SOX6: variants seen among roughly 807,000 people sequenced by gnomAD.
SOX6 encodes SRY-box transcription factor 6, also known as transcription factor SOX-6.
Under a neutral mutation model 97.8 loss-of-function variants are expected in SOX6, and 11 were observed. That is an observed-to-expected ratio of 0.11 (90% CI 0.07 to 0.19). SOX6 has a LOEUF of 0.19. Among genes scored for constraint, SOX6 ranks in the 10% least tolerant of loss-of-function variants. The pLI is 1.00. For synonymous variants in SOX6, 360 were observed against 371.4 expected (o/e 0.97, Z 0.35); for missense variants, 810 against 1,039.5 (o/e 0.78, Z 3.04).
chr11:16,613,914 G>C lies in SOX6; in HGVS notation n.430-1654C>G, dbSNP rs373258936. Reference sequence around the variant, plus strand: ...GGCCCAGCAGCCTTGGCGACCTCCCGGGACCGCCTGAAAGAGAAGCAAAGG... The same window carrying C: ...GGCCCAGCAGCCTTGGCGACCTCCCCGGACCGCCTGAAAGAGAAGCAAAGG... On this transcript the variant is annotated intron_variant and non_coding_transcript_variant, in intron 3 of 5. Transcript: ENST00000524520. The surrounding 1 kb of genome is among the most constrained non-coding windows in gnomAD (Gnocchi z 4.6). Among the ~76,000 whole-genome samples the C allele has an allele frequency of 1.3e-5, 2 of 152,106 alleles. No homozygotes were observed. Among genetic ancestry groups the C allele is most frequent in the Non-Finnish European group, 2.9e-5 (2 of 68,018 alleles).
intron 2 of SOX6, among the ~76,000 whole-genome samples, chr11:16,327,526 G>A (rs189917640): frequency 3.3e-5 from 5 of 152,126 alleles, no homozygotes; most frequent in African/African-American, 1.2e-4. Flanking sequence ...AAAGCTCCAG[G>A]AACTTTAGCA....
At chr11:16,253,633 G>GA (rs1183396881) in intron 3 of SOX6, among the ~76,000 whole-genome samples, 1 of 151,666 alleles carries the variant, frequency 6.6e-6, no homozygotes, top group East Asian at 1.9e-4. Flanking sequence ...ACTAAGAAAA[G>GA]AATCTGTGAA....
At chr11:16,683,115 C>T (rs1006397248) in intron 3 of SOX6, among the ~76,000 whole-genome samples, 8 of 152,204 alleles carry the variant, frequency 5.3e-5, no homozygotes, top group African/African-American at 1.9e-4. Context: ...ACATTCCATG[C>T]TCATGGATAG....
intron 3 of SOX6, among the ~76,000 whole-genome samples, chr11:16,656,279 T>C (rs186182634): frequency 0.011 from 1,745 of 152,290 alleles, 22 homozygotes; most frequent in South Asian, 0.033. Context: ...GGTTTCACCA[T>C]GTTGGCCAGG....
chr11:16,269,858 T>A (rs1358381745), intron 3 of SOX6: 1 of 151,308 alleles, frequency 6.6e-6, no homozygotes, highest in Admixed American at 6.6e-5. Context: ...TGCTATCACA[T>A]CATCTGCCAA....
chr11:16,377,960 G>C (rs952352253), intron 1 of SOX6, among the ~76,000 whole-genome samples: 2 of 152,118 alleles, frequency 1.3e-5, no homozygotes, highest in African/African-American at 4.8e-5. Context: ...TTTCAGGAAG[G>C]CAACTTGGCA....
intron 9 of SOX6, among the ~76,000 whole-genome samples, chr11:16,079,978 T>C (rs1038430331): frequency 1.3e-5 from 2 of 148,516 alleles, no homozygotes; most frequent in African/African-American, 5.2e-5. Flanking sequence ...GATATGATAC[T>C]GATATACAGC....
chr11:16,154,159 T>C (rs1304003537), intron 6 of SOX6, among the ~76,000 whole-genome samples: 2 of 152,030 alleles, frequency 1.3e-5, no homozygotes, highest in African/African-American at 4.8e-5. Context: ...AAAGATAGCC[T>C]GAGGCCAACA....
chr11:16,657,581 G>A (rs1383221186), intron 3 of SOX6, among the ~76,000 whole-genome samples: 5 of 152,206 alleles, frequency 3.3e-5, no homozygotes, highest in African/African-American at 1.2e-4. Flanking sequence ...GAGAGTTCCT[G>A]TTGTGACACA....
chr11:16,469,043 G>C (rs967396327), intron 1 of SOX6, among the ~76,000 whole-genome samples: 7 of 151,126 alleles, frequency 4.6e-5, no homozygotes, highest in African/African-American at 1.7e-4. Flanking sequence ...TAAGCAACAT[G>C]GAAGAATAAA....
chr11:16,253,453 A>T (rs568111834), intron 3 of SOX6, among the ~76,000 whole-genome samples: 1 of 152,316 alleles, frequency 6.6e-6, no homozygotes, highest in East Asian at 1.9e-4. Flanking sequence ...TATATAATTA[A>T]TATGGCTAAG....
intron 12 of SOX6, among the ~76,000 whole-genome samples, chr11:16,027,072 CAT>C (rs1318231275): frequency 6.6e-6 from 1 of 152,090 alleles, no homozygotes; most frequent in African/African-American, 2.4e-5. Context: ...CATAAAATAA[CAT>C]AGAATTAACT....
chr11:16,072,543 A>C (rs1194065759), intron 9 of SOX6, among the ~76,000 whole-genome samples: 1 of 152,178 alleles, frequency 6.6e-6, no homozygotes, highest in Non-Finnish European at 1.5e-5. Context: ...CATCCATGAA[A>C]ATTTTCCCAA....
At chr11:16,701,725 C>G (rs1458006202) in intron 3 of SOX6, among the ~76,000 whole-genome samples, 3 of 137,476 alleles carry the variant, frequency 2.2e-5, no homozygotes, top group Non-Finnish European at 4.6e-5. Context: ...GCGTGGTGGC[C>G]GGCGCCTGTA....
chr11:15,993,473 CCA>C (rs1358075121), intron 13 of SOX6, among the ~76,000 whole-genome samples: 1 of 151,936 alleles, frequency 6.6e-6, no homozygotes, highest in Non-Finnish European at 1.5e-5. Flanking sequence ...AAGCCTAGAC[CCA>C]CAGTTATGTA....
At chr11:16,265,808 A>G (rs941352866) in intron 3 of SOX6, among the ~76,000 whole-genome samples, 1 of 151,888 alleles carries the variant, frequency 6.6e-6, no homozygotes, top group Non-Finnish European at 1.5e-5. Flanking sequence ...TCTGAAATGA[A>G]AAACATACTG....
intron 3 of SOX6, among the ~76,000 whole-genome samples, chr11:16,271,628 T>C (rs1051727518): frequency 6.6e-6 from 1 of 151,486 alleles, no homozygotes; most frequent in Non-Finnish European, 1.5e-5. Flanking sequence ...ATTACATTGG[T>C]TTTCAAATTT....
chr11:15,989,112 G>A lies in SOX6; in HGVS notation c.1851C>T (p.Ser617=). 6.2e-7 allele frequency: 1 copy of A among 1,614,140 alleles called. No homozygotes were observed. The highest frequency in any genetic ancestry group is 1.1e-5 in the South Asian group (1 of 91,084). Residue 617 remains serine (S), a synonymous_variant, in exon 14 of 16, where the codon AGC becomes AGT. Transcript: ENST00000683767. The stretch of plus-strand genomic sequence containing the variant: ...TCATTGGTCGCTTAATGTGTGGCTC[G>A]CTGCTGGCACGGCCGCGGGCGTCCC... ...VYRDARGRAS[S]EPHIKRPMNA...
intron 9 of SOX6, among the ~76,000 whole-genome samples, chr11:16,068,254 T>A (rs1848139506): frequency 6.6e-6 from 1 of 152,214 alleles, no homozygotes; most frequent in Non-Finnish European, 1.5e-5. Flanking sequence ...CTTCTTTGCC[T>A]ACCAAGCAAG....
Sources: allele counts gnomAD v4.1 joint callset (sites outside exome capture counted in the v4.1 genomes callset), GRCh38; gene constraint gnomAD v4.1.1; non-coding constraint Gnocchi (gnomAD v3.1); transcripts MANE v1.5; gene names NCBI Gene and HGNC (gene_info 2026-07-23, HGNC 2026-07-21).